The following NKAIN2 variants were observed in gnomAD, a reference collection of about 807,000 sequenced individuals.
NKAIN2 encodes the protein sodium/potassium-transporting ATPase subunit beta-1-interacting protein 2.
In NKAIN2, 14 loss-of-function variants were observed where a neutral mutation model predicts 32.6. The observed-to-expected ratio is 0.43, with a 90% CI of 0.28 to 0.67. NKAIN2 has a LOEUF of 0.67. Among genes scored for constraint, NKAIN2 ranks in the 30% least tolerant of loss-of-function variants. The pLI, the probability that NKAIN2 is intolerant of heterozygous loss-of-function variation, is 0.17. For missense variants in NKAIN2, 198 were observed against 258.3 expected (o/e 0.77, Z 1.60); for synonymous variants, 80 against 87.2 (o/e 0.92, Z 0.46).
chr6:124,309,726 A>G (rs563536852), intron 2 of NKAIN2, among the ~76,000 whole-genome samples: 1 of 152,184 alleles, frequency 6.6e-6, no homozygotes, highest in Admixed American at 6.6e-5. Context: ...GATCCTGTAG[A>G]TTCATTTCAG....
intron 3 of NKAIN2, among the ~76,000 whole-genome samples, chr6:124,548,563 G>C (rs1416700245): frequency 6.6e-6 from 1 of 152,184 alleles, no homozygotes; most frequent in Admixed American, 6.5e-5. Context: ...TCAGGCAAGC[G>C]AAGAGTGTTA....
At chr6:124,810,814 T>G (rs1403626963) in intron 5 of NKAIN2, among the ~76,000 whole-genome samples, 1 of 151,962 alleles carries the variant, frequency 6.6e-6, no homozygotes, top group Admixed American at 6.6e-5. Context: ...CCATGTATGC[T>G]TCGCCTGCTC....
At chr6:124,730,892 T>A (rs1776630800) in intron 4 of NKAIN2, among the ~76,000 whole-genome samples, 1 of 132,996 alleles carries the variant, frequency 7.5e-6, no homozygotes, top group Non-Finnish European at 1.6e-5. Context: ...CATCAAAAAG[T>A]GGGCGAAGGA....
chr6:124,582,740 A>G (rs1781568668), intron 3 of NKAIN2, among the ~76,000 whole-genome samples: 1 of 152,202 alleles, frequency 6.6e-6, no homozygotes, highest in Non-Finnish European at 1.5e-5. Context: ...CTAGGAAACC[A>G]AATTCAATAA....
chr6:124,716,794 GTTTACTAATTTTTC>G (rs1775779219), intron 4 of NKAIN2, among the ~76,000 whole-genome samples: 2 of 41,920 alleles, frequency 4.8e-5, no homozygotes, highest in Admixed American at 4.2e-4. Context: ...ATACTATATA[GTTTACTAATTTTTC>G]TTGTTTATAG....
At chr6:124,275,268 A>G (rs548863704) in intron 1 of NKAIN2, among the ~76,000 whole-genome samples, 56 of 152,234 alleles carry the variant, frequency 3.7e-4, no homozygotes, top group African/African-American at 1.3e-3. Context: ...TAACTATTTG[A>G]CTTCTATGGG....
At chr6:124,547,959 G>A (rs1452063555) in intron 3 of NKAIN2, among the ~76,000 whole-genome samples, 1 of 152,024 alleles carries the variant, frequency 6.6e-6, no homozygotes, top group Non-Finnish European at 1.5e-5. Flanking sequence ...AATGAATTTT[G>A]TTTCAATACT....
intron 4 of NKAIN2, among the ~76,000 whole-genome samples, chr6:124,708,442 AT>A (rs1680672398): frequency 6.6e-6 from 1 of 151,934 alleles, no homozygotes; most frequent in African/African-American, 2.4e-5. Context: ...CAGTATGGCC[AT>A]TTTCAGGATA....
At chr6:124,147,202 T>G (rs1057390309) in intron 1 of NKAIN2, among the ~76,000 whole-genome samples, 3 of 152,122 alleles carry the variant, frequency 2.0e-5, no homozygotes, top group Admixed American at 6.5e-5. Context: ...AATATTCTGA[T>G]TTTTCCCAGC....
chr6:123,979,261 A>G (rs1018861940), intron 1 of NKAIN2, among the ~76,000 whole-genome samples: 2 of 152,204 alleles, frequency 1.3e-5, no homozygotes, highest in Non-Finnish European at 2.9e-5. Flanking sequence ...TTAGAAAACA[A>G]TAATTTTAAA....
chr6:124,103,235 G>A (rs1177943003), intron 1 of NKAIN2, among the ~76,000 whole-genome samples: 1 of 152,142 alleles, frequency 6.6e-6, no homozygotes, highest in African/African-American at 2.4e-5. Context: ...TTTGAGTAAT[G>A]TTGTTAAAAA....
chr6:124,603,776 A>G (rs1448558952), intron 3 of NKAIN2, among the ~76,000 whole-genome samples: 1 of 151,916 alleles, frequency 6.6e-6, no homozygotes, highest in Non-Finnish European at 1.5e-5. Flanking sequence ...TCCCGGGAAA[A>G]CCCAGATGTG....
intron 4 of NKAIN2, among the ~76,000 whole-genome samples, chr6:124,779,691 G>T (rs901551074): frequency 6.6e-6 from 1 of 152,132 alleles, no homozygotes; most frequent in Non-Finnish European, 1.5e-5. Flanking sequence ...TCTGATGAAT[G>T]ATTAGATATG....
chr6:124,527,572 C>G (rs1033648884), intron 3 of NKAIN2, among the ~76,000 whole-genome samples: 2 of 152,108 alleles, frequency 1.3e-5, no homozygotes, highest in Admixed American at 1.3e-4. Context: ...TTGGTAAGAT[C>G]AAATTATTCA....
At chr6:124,559,907 A>G (rs530610204) in intron 3 of NKAIN2, among the ~76,000 whole-genome samples, 3 of 136,036 alleles carry the variant, frequency 2.2e-5, no homozygotes, top group Non-Finnish European at 3.0e-5. Flanking sequence ...CCACAAGATA[A>G]CCTAGACTAT....
chr6:124,108,328 C>G (rs1785214056), intron 1 of NKAIN2, among the ~76,000 whole-genome samples: 2 of 152,016 alleles, frequency 1.3e-5, no homozygotes, highest in African/African-American at 4.8e-5. Context: ...TCTGAAGAAA[C>G]ATCTATTGAA....
At chr6:124,221,808 T>C (rs1206785211) in intron 1 of NKAIN2, among the ~76,000 whole-genome samples, 1 of 152,158 alleles carries the variant, frequency 6.6e-6, no homozygotes, top group Non-Finnish European at 1.5e-5. Context: ...AAAAAAGATG[T>C]ATTAGAAAAA....
chr6:124,485,385 T>C (rs1019348629), intron 3 of NKAIN2, among the ~76,000 whole-genome samples: 5 of 152,018 alleles, frequency 3.3e-5, no homozygotes, highest in African/African-American at 1.2e-4. Flanking sequence ...AAGCAGACTC[T>C]CTCCTTCACC....
intron 3 of NKAIN2, among the ~76,000 whole-genome samples, chr6:124,444,871 A>G (rs1338366766): frequency 6.6e-6 from 1 of 152,002 alleles, no homozygotes; most frequent in Non-Finnish European, 1.5e-5. Flanking sequence ...AATGAATCTC[A>G]TGAATGCTTT....
Sources: allele counts gnomAD v4.1 joint callset (sites outside exome capture counted in the v4.1 genomes callset), GRCh38; gene constraint gnomAD v4.1.1; transcripts MANE v1.5; gene names NCBI Gene and HGNC (gene_info 2026-07-23, HGNC 2026-07-21).